The following GUCD1 variants were observed in gnomAD, a reference collection of about 807,000 sequenced individuals.
The protein encoded by GUCD1 is guanylyl cyclase domain containing 1.
A neutral mutation model predicts 28.3 loss-of-function variants in GUCD1; 17 were observed. That is an observed-to-expected ratio of 0.60 (90% confidence interval 0.41 to 0.90). The LOEUF (loss-of-function observed/expected upper bound fraction) is 0.90, where lower values mean the gene tolerates loss of function less well. Ranked by LOEUF, GUCD1 falls within the 40% of genes least tolerant of loss-of-function variation. The pLI, the probability that GUCD1 is intolerant of heterozygous loss-of-function variation, is 0.00. For missense variants in GUCD1, 279 were observed against 305.5 expected, an observed-to-expected ratio of 0.91 and a Z score of 0.65; for synonymous variants, 129 against 123.3, an observed-to-expected ratio of 1.05 and a Z score of -0.30.
Position 24,543,823 on chromosome 22 carries a change from C to A in GUCD1, c.628+19G>T. ...TGAATGTGGACCACTCTGCCTCACC[C>A]ACCCCACCCAGCACTCACGGTCGGC... On this transcript the variant is annotated intron_variant, in intron 5 of 5. Transcript: ENST00000435822. 5 of 1,611,590 alleles carry A rather than the reference C, an allele frequency of 3.1e-6. No homozygotes were observed. The highest frequency in any genetic ancestry group is 4.2e-6 in the Non-Finnish European group (5 of 1,178,396).
In GUCD1 at chr22:24,541,628, CAA is replaced by C. The variant is rs5844595; in HGVS notation, c.*1376_*1377del. On this transcript the variant is annotated 3_prime_UTR_variant, in exon 6 of 6. Coordinates refer to ENST00000435822, the MANE Select transcript of GUCD1 (RefSeq NM_001284254.2). ...TGGGCAACAGAGTGAGTCTCCGTCT[CAA>C]AAAAAAAAAAAAAAATCCATTTCCT... is the stretch of plus-strand genomic sequence containing the variant. The C allele has an allele frequency of 2.2e-3, 298 of 134,206 alleles. 2 individuals carry two copies. The highest frequency in any genetic ancestry group is 7.9e-3 in the African/African-American group (277 of 35,144). The allele number at this position is 134,206 out of a possible 1,614,324, so 8.3% of individuals were successfully genotyped here.
chr22:24,548,137 C>T, intron 2 of GUCD1, 64 bp from the exon 3 acceptor site: 1 of 1,435,432 alleles, frequency 7.0e-7, no homozygotes, highest in Non-Finnish European at 9.7e-7. Flanking sequence ...GAGTCACCCT[C>T]CACCCACTGG....
chr22:24,555,125 G>C lies in GUCD1; in HGVS notation c.-134C>G, dbSNP rs954605139. On this transcript the variant is annotated 5_prime_UTR_variant, in exon 1 of 6. Coordinates refer to ENST00000435822, the MANE Select transcript of GUCD1 (RefSeq NM_001284254.2). ...CCGCCGCCGCTGCGGAGGAGAGAAC[G>C]GGAGGCGGCGGCTGGGCCGCCCCAA... The C allele has an allele frequency of 1.4e-5, 18 of 1,304,724 alleles. No homozygotes were observed. The highest frequency in any genetic ancestry group is 2.9e-4 in the Middle Eastern group (1 of 3,432). The allele number at this position is 1,304,724 out of a possible 1,614,324, so 80.8% of individuals were successfully genotyped here.
At chr22:24,547,802 C>G (rs998409905) in intron 3 of GUCD1, 106 bp downstream of exon 3, 2 of 1,192,536 alleles carry the variant, frequency 1.7e-6, no homozygotes, top group East Asian at 2.4e-5. Flanking sequence ...TGGGTATCTA[C>G]CTGGGTGTCT....
rs546231438 is a variant in GUCD1 at position 24,547,083 on chromosome 22, G to A, written c.295-78C>T. ...CATTTAGATGAAGGAAATAAAGAGC[G>A]TGTTACAGAGGCAGAGACAGCAGGA... is the stretch of plus-strand genomic sequence containing the variant. On this transcript the variant is annotated intron_variant, in intron 3 of 5. Coordinates refer to ENST00000435822, the MANE Select transcript of GUCD1 (RefSeq NM_001284254.2). The A allele has an allele frequency of 2.0e-5, 23 of 1,136,642 alleles. No homozygotes were observed. The East Asian group carries it at 3.8e-4, about 19-fold the overall frequency. The allele number at this position is 1,136,642 out of a possible 1,614,324, so 70.4% of individuals were successfully genotyped here. A position where few individuals can be genotyped will look rare whatever the true frequency, so the allele number is the denominator to read the frequency against.
chr22:24,552,911 G>C (rs1031085741), intron 1 of GUCD1, among the ~76,000 whole-genome samples: 25 of 152,276 alleles, frequency 1.6e-4, no homozygotes, highest in African/African-American at 5.8e-4. Flanking sequence ...GGGATCCTCT[G>C]ACCTTAGCCT....
chr22:24,555,184 G>GAGGCCCCGCCCCCTCCTT (rs1166181055), upstream of GUCD1: 2 of 1,302,242 alleles, frequency 1.5e-6, no homozygotes, highest in Admixed American at 4.0e-5. Flanking sequence ...CTCGAATCTG[G>GAGGCCCCGCCCCCTCCTT]AGGCCCCGCC....
chr22:24,553,438 T>C (rs2044936484), intron 1 of GUCD1, among the ~76,000 whole-genome samples: 1 of 152,154 alleles, frequency 6.6e-6, no homozygotes, highest in African/African-American at 2.4e-5. Flanking sequence ...GAGGTTGCAT[T>C]TGCCTCCTTC....
intron 5 of GUCD1, among the ~76,000 whole-genome samples, 155 bp downstream of exon 5, chr22:24,543,687 A>G (rs1469690967): frequency 2.0e-5 from 3 of 151,960 alleles, no homozygotes; most frequent in South Asian, 2.1e-4. Flanking sequence ...GGGTGGCCAC[A>G]GTGACAAGAG....
chr22:24,554,700 T>C (rs2044985064), intron 1 of GUCD1, among the ~76,000 whole-genome samples: 1 of 152,100 alleles, frequency 6.6e-6, no homozygotes, highest in Non-Finnish European at 1.5e-5. Flanking sequence ...GCATGGGAGC[T>C]CCCAAGGCGG....
At chr22:24,547,611 T>C in intron 3 of GUCD1, 1 of 363,522 alleles carries the variant, frequency 2.8e-6, no homozygotes, top group Non-Finnish European at 5.2e-6. Flanking sequence ...CTGAGGACAG[T>C]AGGAAAGAAC....
intron 5 of GUCD1, among the ~76,000 whole-genome samples, chr22:24,543,610 G>A (rs905347699): frequency 4.6e-5 from 7 of 152,168 alleles, no homozygotes; most frequent in African/African-American, 7.2e-5. Flanking sequence ...TGGTGTGAGA[G>A]GGAGGGGTGG....
chr22:24,555,398 G>A, upstream of GUCD1: 7 of 1,242,366 alleles, frequency 5.6e-6, no homozygotes, highest in Non-Finnish European at 7.5e-6. Flanking sequence ...TGCATTTCCT[G>A]AATAGAGGCT....
At chr22:24,544,119 G>T (rs780157157) in intron 4 of GUCD1, 36 bp from the exon 5 acceptor site, 3 of 1,593,818 alleles carry the variant, frequency 1.9e-6, no homozygotes, top group Non-Finnish European at 2.6e-6. Context: ...GTGCTGCTGG[G>T]CCCCCATTCC....
intron 1 of GUCD1, among the ~76,000 whole-genome samples, chr22:24,553,034 C>G (rs1267794411): frequency 6.6e-6 from 1 of 152,176 alleles, no homozygotes; most frequent in Non-Finnish European, 1.5e-5. Context: ...AAGACCCACC[C>G]AAGCCCTGAC....
chr22:24,552,385 C>T (rs1402862423), intron 1 of GUCD1, among the ~76,000 whole-genome samples: 1 of 152,224 alleles, frequency 6.6e-6, no homozygotes, highest in African/African-American at 2.4e-5. Flanking sequence ...TGAACTGAGA[C>T]AGCAGGAAAC....
upstream of GUCD1, chr22:24,555,881 G>T: frequency 6.6e-7 from 1 of 1,515,728 alleles, no homozygotes; most frequent in Non-Finnish European, 8.9e-7. Context: ...TTCCCAGCCG[G>T]CAGGCGGAGT....
intron 1 of GUCD1, among the ~76,000 whole-genome samples, chr22:24,552,598 CCT>C (rs1466471220): frequency 6.6e-6 from 1 of 152,026 alleles, no homozygotes; most frequent in Middle Eastern, 3.2e-3. Context: ...ATGGTGAAAC[CCT>C]GTCTCTACTA....
At chr22:24,551,897 TATAA>T (rs1476178805) in intron 1 of GUCD1, among the ~76,000 whole-genome samples, 2 of 152,230 alleles carry the variant, frequency 1.3e-5, no homozygotes, top group African/African-American at 4.8e-5. Flanking sequence ...CAACCAAAAA[TATAA>T]ATAAATAAGA....
Sources: gnomAD v4.1 joint callset for allele counts (sites outside exome capture counted in the v4.1 genomes callset) on GRCh38, gnomAD v4.1.1 for gene constraint, MANE v1.5 for transcripts, NCBI Gene and HGNC (gene_info 2026-07-23, HGNC 2026-07-21) for gene names.